The following BTNL9 variants were observed in gnomAD, a reference collection of about 807,000 sequenced individuals.
BTNL9 encodes the protein butyrophilin-like protein 9.
Under a neutral mutation model 45.8 loss-of-function variants are expected in BTNL9, and 45 were observed. The ratio of observed to expected loss-of-function variants is 0.98; its 90% CI spans 0.77 to 1.26. The LOEUF (loss-of-function observed/expected upper bound fraction) is 1.26, where lower values mean the gene tolerates loss of function less well. Ranked by LOEUF, BTNL9 falls within the 50% of genes most tolerant of loss-of-function variation. BTNL9 has a pLI of 0.00. For synonymous variants in BTNL9, 346 were observed against 330.8 expected (o/e 1.05, Z -0.50); for missense variants, 784 against 729.7 (o/e 1.07, Z -0.86).
chr5:181,055,062 G>A lies in BTNL9; in HGVS notation c.908-371G>A, dbSNP rs1051755610. 31 of 1,072,350 alleles carry A rather than the reference G, an allele frequency of 2.9e-5. No homozygotes were observed. The highest frequency in any genetic ancestry group is 4.0e-5 in the South Asian group (1 of 25,110). The allele number at this position is 1,072,350 out of a possible 1,614,324, so 66.4% of individuals were successfully genotyped here. A position where few individuals can be genotyped will look rare whatever the true frequency, so the allele number is the denominator to read the frequency against. ...CAGATAACGCACCCGGTGAGTGACC[G>A]TGAGGCTCACGTAGGCGGCCCTCAG... On this transcript the variant is annotated intron_variant, in intron 7 of 10. Coordinates refer to ENST00000327705, the MANE Select transcript of BTNL9 (RefSeq NM_152547.5). The surrounding 1 kb of genome is among the most constrained non-coding windows in gnomAD (Gnocchi z 4.4).
rs191300041 is a variant in BTNL9 at position 181,055,844 on chromosome 5, A to C, written c.929-145A>C. ...CCATATATCTTCTTCTCATCTCCCAACCAGGTATGATGCCCAGGCAGGACC... is the reference window on the plus strand; with the variant it reads ...CCATATATCTTCTTCTCATCTCCCACCCAGGTATGATGCCCAGGCAGGACC... On this transcript the variant is annotated intron_variant, in intron 8 of 10. Transcript: ENST00000327705. The surrounding 1 kb of genome is among the most constrained non-coding windows in gnomAD (Gnocchi z 4.4). 1.1e-6 allele frequency: 1 copy of C among 889,162 alleles called. No individual in the cohort carries two copies. Among genetic ancestry groups the C allele is most frequent in the African/African-American group, 1.6e-5 (1 of 61,156 alleles). 55.1% of individuals were successfully genotyped at this position (889,162 alleles called of 1,614,324 possible).
intron 2 of BTNL9, 62 bp downstream of exon 2, chr5:181,045,660 C>T (rs1194909684): frequency 4.6e-6 from 6 of 1,316,350 alleles, no homozygotes; most frequent in Non-Finnish European, 6.6e-6. Flanking sequence ...CAGGTGCTCC[C>T]CAGGGCTACG....
In BTNL9 at chr5:181,053,519, G is replaced by A. The variant is rs1286107355; in HGVS notation, c.886+18G>A. The A allele has an allele frequency of 1.9e-6, 3 of 1,571,342 alleles. No individual in the cohort carries two copies. Among genetic ancestry groups the A allele is most frequent in the South Asian group, 2.3e-5 (2 of 85,768 alleles). On this transcript the variant is annotated intron_variant, in intron 6 of 10. Transcript: ENST00000327705. This position sits in a 1 kb window ranked among gnomAD's most constrained non-coding sequence, Gnocchi z 6.5. ...GAGACAAGGTGAGCGGGGACAGGGCGTTCTGCACGCACCTGCCCAAGTGCC... is the reference window on the plus strand; with the variant it reads ...GAGACAAGGTGAGCGGGGACAGGGCATTCTGCACGCACCTGCCCAAGTGCC...
Position 181,059,737 on chromosome 5 carries a change from G to A in BTNL9, c.1483G>A (p.Glu495Lys). 2 of 1,612,972 alleles carry A rather than the reference G, an allele frequency of 1.2e-6. No individual in the cohort carries two copies. Among genetic ancestry groups the A allele is most frequent in the Non-Finnish European group, 1.7e-6 (2 of 1,179,950 alleles). Residue 495 changes from glutamate to lysine, a missense_variant, in exon 11 of 11, where the codon GAA becomes AAA. Transcript: ENST00000327705. The stretch of plus-strand genomic sequence containing the variant: ...CAGGCCCAGGGCCCACGACGGCGGC[G>A]AACATCCGGATCCCCTGACCATCTG... ...YFRPRAHDGGEHPDPLTICPL... is the reference protein window; with the variant it reads ...YFRPRAHDGGKHPDPLTICPL...
chr5:181,056,792 A>C, intron 9 of BTNL9: 4 of 567,196 alleles, frequency 7.1e-6, no homozygotes, highest in Admixed American at 3.3e-5. Context: ...CCCACATCTC[A>C]TGTGAACCAG....
chr5:181,045,608 C>T lies in BTNL9; in HGVS notation c.109+10C>T. 6.2e-7 allele frequency: 1 copy of T among 1,601,838 alleles called. No individual in the cohort carries two copies. ...GGGGAGCCGAGCTCAGGTATTGTGTCTGCAGCCTAGCTGGCCAGGATGTGA... is the reference window on the plus strand; with the variant it reads ...GGGGAGCCGAGCTCAGGTATTGTGTTTGCAGCCTAGCTGGCCAGGATGTGA... On this transcript the variant is annotated intron_variant, in intron 2 of 10. Coordinates refer to ENST00000327705, the MANE Select transcript of BTNL9 (RefSeq NM_152547.5).
rs199942003 is a variant in BTNL9, at chr5:181,056,007, G to T, written c.947G>T (p.Gly316Val). Reference protein sequence around the residue: ...QTELDWRRAEGQAEWRAAQKY... With the variant: ...QTELDWRRAEVQAEWRAAQKY... ...GCTTCAGACTGGAGACGGGCTGAAG[G>T]CCAGGCTGGTGAGTGGAACCCATCT... Residue 316 changes from glycine to valine, a missense_variant, in exon 9 of 11, where the codon GGC (glycine) becomes GTC (valine). Coordinates refer to ENST00000327705, the MANE Select transcript of BTNL9 (RefSeq NM_152547.5). 5.6e-6 allele frequency: 9 copies of T among 1,614,032 alleles called. No individual in the cohort carries two copies. Among genetic ancestry groups the T allele is most frequent in the Non-Finnish European group, 7.6e-6 (9 of 1,180,036 alleles).
intron 3 of BTNL9, among the ~76,000 whole-genome samples, chr5:181,048,725 A>C (rs1229941872): frequency 3.2e-5 from 4 of 123,884 alleles, no homozygotes; most frequent in Non-Finnish European, 6.6e-5. Flanking sequence ...ATATATATAT[A>C]TCTATATATA....
rs79756245 is a variant in BTNL9 at position 181,048,195 on chromosome 5, T to C, written c.378T>C (p.Ser126=). ...VVLQLHSIIP[S]DKGTYGCRFH... ...TGCAGCTTCACAGCATCATCCCCTC[T>C]GACAAGGGCACATATGGCTGCCGCT... Residue 126 remains serine, a synonymous_variant, in exon 3 of 11, where the codon TCT becomes TCC. Coordinates refer to ENST00000327705, the MANE Select transcript of BTNL9 (RefSeq NM_152547.5). 2.5e-3 allele frequency: 4,077 copies of C among 1,613,404 alleles called. 96 individuals are homozygous for C. In the African/African-American group the frequency reaches 0.047, roughly 19 times the overall value.
Position 181,053,787 on chromosome 5 carries a change from G to A in BTNL9, c.886+286G>A, listed in dbSNP as rs1761715457. 6.6e-7 allele frequency: 1 copy of A among 1,523,854 alleles called. No homozygotes were observed. Among genetic ancestry groups the A allele is most frequent in the Admixed American group, 2.0e-5 (1 of 50,574 alleles). 94.4% of individuals were successfully genotyped at this position (1,523,854 alleles called of 1,614,324 possible). On this transcript the variant is annotated intron_variant, in intron 6 of 10. Coordinates refer to ENST00000327705, the MANE Select transcript of BTNL9 (RefSeq NM_152547.5). This position sits in a 1 kb window ranked among gnomAD's most constrained non-coding sequence, Gnocchi z 6.5. ...GGAGCTTCACATCACACTGTACAGA[G>A]GGAGCGGTGACCAGGGTCTCTGCTG...
chr5:181,047,546 G>A (rs1049579096), intron 2 of BTNL9: 7 of 974,890 alleles, frequency 7.2e-6, no homozygotes, highest in Middle Eastern at 5.1e-4. Flanking sequence ...ATGCAAATAC[G>A]TATGTTTTTT....
chr5:181,055,323 T>G lies in BTNL9; in HGVS notation c.908-110T>G. 2 of 1,567,656 alleles carry G rather than the reference T, an allele frequency of 1.3e-6. No homozygotes were observed. The highest frequency in any genetic ancestry group is 2.0e-5 in the Admixed American group (1 of 49,262). On this transcript the variant is annotated intron_variant, in intron 7 of 10. Coordinates refer to ENST00000327705, the MANE Select transcript of BTNL9 (RefSeq NM_152547.5). The surrounding 1 kb of genome is among the most constrained non-coding windows in gnomAD (Gnocchi z 4.4). ...AGCTGTAAAAAAAAAAAAATGAAGCTGTGATTAGCAGTGGCTTAAGACTAA... is the reference window on the plus strand; with the variant it reads ...AGCTGTAAAAAAAAAAAAATGAAGCGGTGATTAGCAGTGGCTTAAGACTAA...
chr5:181,050,079 C>G lies in BTNL9; in HGVS notation c.455-9C>G, dbSNP rs1761451347. 6.2e-7 allele frequency: 1 copy of G among 1,610,088 alleles called. No homozygotes were observed. The highest frequency in any genetic ancestry group is 1.3e-5 in the African/African-American group (1 of 74,838). On this transcript the variant is annotated splice_polypyrimidine_tract_variant and intron_variant, in intron 3 of 10. Coordinates refer to ENST00000327705, the MANE Select transcript of BTNL9 (RefSeq NM_152547.5). The surrounding 1 kb of genome is among the most constrained non-coding windows in gnomAD (Gnocchi z 4.9). The stretch of plus-strand genomic sequence containing the variant: ...GCCTGACCTTTCCCACTCCTCCTGC[C>G]TCCACCAGGGCTGGGCTCAGACCCT...
In BTNL9 at chr5:181,056,924, C is replaced by G. The variant is rs189391248; in HGVS notation, c.955+909C>G. 1.1e-5 allele frequency: 3 copies of G among 282,276 alleles called. No homozygotes were observed. In the East Asian group the frequency reaches 2.2e-4, roughly 21 times the overall value. The allele number at this position is 282,276 out of a possible 1,614,324, so 17.5% of individuals were successfully genotyped here. On this transcript the variant is annotated intron_variant, in intron 9 of 10. Transcript: ENST00000327705. ...TGCTAGTTGGCTCTGGGGACTTCCT[C>G]TACTGAAAATTGCCAGCTCACATCA... is the stretch of plus-strand genomic sequence containing the variant.
intron 7 of BTNL9, chr5:181,054,480 T>A: frequency 1.0e-6 from 1 of 985,464 alleles, no homozygotes; most frequent in Non-Finnish European, 1.2e-6. Context: ...GCTCCTCCCC[T>A]GCAAATTAGA....
rs967868632 is a variant in BTNL9, at chr5:181,055,700, C to G, written c.928+247C>G. 11 of 686,682 alleles carry G rather than the reference C, an allele frequency of 1.6e-5. No individual in the cohort carries two copies. The African/African-American group carries it at 1.8e-4, about 11-fold the overall frequency. The allele number at this position is 686,682 out of a possible 1,614,324, so 42.5% of individuals were successfully genotyped here. A position where few individuals can be genotyped will look rare whatever the true frequency, so the allele number is the denominator to read the frequency against. Reference sequence around the variant, plus strand: ...AGGAGAAGGGCGTGAACCCGGGAAGCGGAGCTTGCAGTGAGCCGAGATGGC... The same window carrying G: ...AGGAGAAGGGCGTGAACCCGGGAAGGGGAGCTTGCAGTGAGCCGAGATGGC... On this transcript the variant is annotated intron_variant, in intron 8 of 10. Coordinates refer to ENST00000327705, the MANE Select transcript of BTNL9 (RefSeq NM_152547.5). The surrounding 1 kb of genome is among the most constrained non-coding windows in gnomAD (Gnocchi z 4.4).
chr5:181,056,585 G>T (rs1197786327), intron 9 of BTNL9: 10 of 717,382 alleles, frequency 1.4e-5, no homozygotes, highest in Non-Finnish European at 2.6e-5. Context: ...TATCCAGGCT[G>T]CCTCTAACTC....
chr5:181,056,431 A>G (rs908534719), intron 9 of BTNL9: 11 of 658,990 alleles, frequency 1.7e-5, no homozygotes, highest in Non-Finnish European at 2.5e-5. Context: ...TGTAAGTGAC[A>G]TTTATGGTTC....
At position 181,047,430 on chromosome 5, in the gene BTNL9, G is replaced by A. The variant is rs1236124492; in HGVS notation, c.110-497G>A. On this transcript the variant is annotated intron_variant, in intron 2 of 10. Transcript: ENST00000327705. ...TACATGTGAATTATTTTTTAAACTT[G>A]GAAAATCAGACAAGCAAAAATGAGA... 8.6e-6 allele frequency: 8 copies of A among 931,020 alleles called. No homozygotes were observed. In the East Asian group the frequency reaches 5.8e-4, roughly 68 times the overall value. 57.7% of individuals were successfully genotyped at this position (931,020 alleles called of 1,614,324 possible).
Sources: gnomAD v4.1 joint callset for allele counts (sites outside exome capture counted in the v4.1 genomes callset) on GRCh38, gnomAD v4.1.1 for gene constraint, Gnocchi (gnomAD v3.1) non-coding constraint, MANE v1.5 for transcripts, NCBI Gene and HGNC (gene_info 2026-07-23, HGNC 2026-07-21) for gene names.